The following CLMN variants were observed in gnomAD, a reference collection of about 807,000 sequenced individuals.
CLMN encodes calmin (calponin-like, transmembrane).
In CLMN, 57 loss-of-function variants were observed where a neutral mutation model predicts 92.7. The observed-to-expected ratio is 0.61, with a 90% CI of 0.50 to 0.77. The LOEUF (loss-of-function observed/expected upper bound fraction) is 0.77, where lower values mean the gene tolerates loss of function less well. Ranked by LOEUF, CLMN falls within the 30% of genes least tolerant of loss-of-function variation. The pLI, the probability that CLMN is intolerant of heterozygous loss-of-function variation, is 0.00. For missense variants in CLMN, 1,158 were observed against 1,237.5 expected (o/e 0.94, Z 0.96); for synonymous variants, 466 against 470.6 (o/e 0.99, Z 0.13).
At chr14:95,213,063 A>G (rs561643523) in intron 6 of CLMN, among the ~76,000 whole-genome samples, 156 bp downstream of exon 6, 1 of 152,328 alleles carries the variant, frequency 6.6e-6, no homozygotes, top group East Asian at 1.9e-4. Flanking sequence ...CTGGGATTAC[A>G]GGCATGAGCC....
intron 2 of CLMN, among the ~76,000 whole-genome samples, chr14:95,227,346 G>A (rs964517490): frequency 7.9e-5 from 12 of 152,276 alleles, no homozygotes; most frequent in African/African-American, 2.9e-4. Flanking sequence ...GGGCAACAGC[G>A]ACTTTGAACC....
At chr14:95,240,474 C>G (rs1399726045) in intron 1 of CLMN, among the ~76,000 whole-genome samples, 1 of 152,146 alleles carries the variant, frequency 6.6e-6, no homozygotes. Context: ...CTCCATGGAC[C>G]TGGAGGGGAG....
chr14:95,191,557 A>T lies in CLMN; in HGVS notation c.*7T>A, dbSNP rs1816775990. The stretch of plus-strand genomic sequence containing the variant: ...GTCCTGTCTTTTTTATTATCCAGAC[A>T]CACGTATCAGAGCCTGCTAACATCC... On this transcript the variant is annotated 3_prime_UTR_variant, in exon 13 of 13. Transcript: ENST00000298912. The surrounding 1 kb of genome is among the most constrained non-coding windows in gnomAD (Gnocchi z 5.3). 2 of 1,607,980 alleles carry T rather than the reference A, an allele frequency of 1.2e-6. No homozygotes were observed. Among genetic ancestry groups the T allele is most frequent in the South Asian group, 2.2e-5 (2 of 90,296 alleles).
intron 1 of CLMN, among the ~76,000 whole-genome samples, chr14:95,233,620 A>C (rs929262940): frequency 6.6e-6 from 1 of 152,256 alleles, no homozygotes; most frequent in African/African-American, 2.4e-5. Flanking sequence ...AAGAGAGAAA[A>C]CATGGCTGCC....
intron 1 of CLMN, among the ~76,000 whole-genome samples, chr14:95,280,512 A>G (rs868423258): frequency 6.6e-6 from 1 of 152,186 alleles, no homozygotes; most frequent in Admixed American, 6.5e-5. Flanking sequence ...AAAATCTTTG[A>G]GTTATTTGGC....
intron 1 of CLMN, among the ~76,000 whole-genome samples, chr14:95,243,938 G>A (rs1030974357): frequency 5.3e-5 from 8 of 152,072 alleles, no homozygotes; most frequent in African/African-American, 1.9e-4. Context: ...GATTTCTTTT[G>A]AATAGTTTAG....
At position 95,186,123 on chromosome 14, in the gene CLMN, C is replaced by A. The variant is rs1263584080; in HGVS notation, c.*5441G>T. ...ATCTGGAGGTCATCAACTAGCAGGG[C>A]GACTAGTCGTTTCCTCTTTCTAATC... On this transcript the variant is annotated 3_prime_UTR_variant, in exon 13 of 13. Transcript: ENST00000298912. 2 of 152,184 alleles carry A rather than the reference C, an allele frequency of 1.3e-5. No homozygotes were observed. Among genetic ancestry groups the A allele is most frequent in the Non-Finnish European group, 2.9e-5 (2 of 68,044 alleles). The allele number at this position is 152,184 out of a possible 1,614,324, so 9.4% of individuals were successfully genotyped here.
chr14:95,201,226 T>A lies in CLMN; in HGVS notation c.2511+1612A>T, dbSNP rs116344693. ...AACTTTTATTTTAGATTTGGGGGGT[T>A]CATGTGCAAGTTTGTTATGTAGGTA... On this transcript the variant is annotated intron_variant, in intron 9 of 12. Transcript: ENST00000298912. Among the ~76,000 whole-genome samples, 733 of 144,350 alleles carry A rather than the reference T, an allele frequency of 5.1e-3. 9 individuals carry two copies. The highest frequency in any genetic ancestry group is 0.017 in the African/African-American group (666 of 39,048). The allele number at this position is 144,350 out of a possible 152,430, so 94.7% of individuals were successfully genotyped here.
intron 1 of CLMN, among the ~76,000 whole-genome samples, chr14:95,305,829 G>A (rs1224509215): frequency 1.3e-5 from 2 of 152,224 alleles, no homozygotes; most frequent in East Asian, 3.8e-4. Flanking sequence ...GAGGATTAGA[G>A]ATGACTTCAC....
chr14:95,245,270 T>TATA (rs1427351722), intron 1 of CLMN, among the ~76,000 whole-genome samples: 4 of 53,730 alleles, frequency 7.4e-5, no homozygotes, highest in Non-Finnish European at 9.5e-5. Context: ...TATATATATA[T>TATA]TATATATATA....
chr14:95,205,254 A>G (rs1267863794), intron 8 of CLMN, among the ~76,000 whole-genome samples: 1 of 152,226 alleles, frequency 6.6e-6, no homozygotes, highest in African/African-American at 2.4e-5. Context: ...ATCTGCTTCA[A>G]CCTCTATTGT....
intron 8 of CLMN, among the ~76,000 whole-genome samples, chr14:95,208,573 A>AT (rs900377962): frequency 1.6e-4 from 25 of 152,246 alleles, no homozygotes; most frequent in Admixed American, 1.4e-3. Context: ...GATCCGTTTT[A>AT]TAAGAAAGCG....
intron 4 of CLMN, among the ~76,000 whole-genome samples, chr14:95,220,988 C>T (rs1897519789): frequency 6.6e-6 from 1 of 152,206 alleles, no homozygotes; most frequent in Non-Finnish European, 1.5e-5. Flanking sequence ...TCAACAAATT[C>T]CTTTACTGCT....
chr14:95,198,494 T>C (rs1896788158), intron 9 of CLMN, among the ~76,000 whole-genome samples: 1 of 151,922 alleles, frequency 6.6e-6, no homozygotes, highest in Non-Finnish European at 1.5e-5. Flanking sequence ...CCCACACGGA[T>C]TGAGGCAAGG....
At chr14:95,278,777 T>C (rs936159900) in intron 1 of CLMN, among the ~76,000 whole-genome samples, 2 of 152,204 alleles carry the variant, frequency 1.3e-5, no homozygotes, top group African/African-American at 2.4e-5. Context: ...CTTGGCTGCC[T>C]AGAAGTTATG....
In CLMN at chr14:95,242,250, CTTTTTTTTT is replaced by C. The variant is rs371417505; in HGVS notation, c.83-12126_83-12118del. Among the ~76,000 whole-genome samples, 6 of 92,594 alleles carry C rather than the reference CTTTTTTTTT, an allele frequency of 6.5e-5. No individual in the cohort carries two copies. In the East Asian group the frequency reaches 1.1e-3, roughly 17 times the overall value. 60.7% of individuals were successfully genotyped at this position (92,594 alleles called of 152,430 possible). A position where few individuals can be genotyped will look rare whatever the true frequency, so the allele number is the denominator to read the frequency against. On this transcript the variant is annotated intron_variant, in intron 1 of 12. Transcript: ENST00000298912. Reference sequence around the variant, plus strand: ...GGCATTTCTTTTCTTTTTTCTTTTTCTTTTTTTTTTTTTTTTTTTTTTTTTTGAGATGGA... The same window carrying C: ...GGCATTTCTTTTCTTTTTTCTTTTTCTTTTTTTTTTTTTTTTTGAGATGGA...
In CLMN at chr14:95,198,185, G is replaced by T. The variant is rs888309683; in HGVS notation, c.2512-1491C>A. 8.6e-5 allele frequency among the ~76,000 whole-genome samples: 13 copies of T among 151,190 alleles called. No homozygotes were observed. In the East Asian group the frequency reaches 2.3e-3, roughly 27 times the overall value. On this transcript the variant is annotated intron_variant, in intron 9 of 12. Transcript: ENST00000298912. ...CTGCCTCAGCCTCCGGAGTAGCTGG[G>T]ATTACAGGCACCTGCCACCACGCCT...
At chr14:95,244,326 CAGTTGGGCAGCTCT>C (rs1393525671) in intron 1 of CLMN, among the ~76,000 whole-genome samples, 1 of 152,192 alleles carries the variant, frequency 6.6e-6, no homozygotes, top group African/African-American at 2.4e-5. Context: ...GCCTGTTCCA[CAGTTGGGCAGCTCT>C]AGTAGCCTAA....
intron 9 of CLMN, among the ~76,000 whole-genome samples, chr14:95,198,879 C>T (rs1334381376): frequency 6.6e-6 from 1 of 152,176 alleles, no homozygotes; most frequent in African/African-American, 2.4e-5. Context: ...GGATGCAAAC[C>T]ACTAATTCAT....
Sources: allele counts gnomAD v4.1 joint callset (sites outside exome capture counted in the v4.1 genomes callset), GRCh38; gene constraint gnomAD v4.1.1; non-coding constraint Gnocchi (gnomAD v3.1); transcripts MANE v1.5; gene names NCBI Gene and HGNC (gene_info 2026-07-23, HGNC 2026-07-21).